SYCP2: variants seen among roughly 807,000 people sequenced by gnomAD.
SYCP2 encodes the protein synaptonemal complex protein 2, also known as synaptonemal complex lateral element protein.
SYCP2 carries 55 observed loss-of-function variants against 211.3 expected under a neutral mutation model. The observed-to-expected ratio is 0.26, with a 90% confidence interval of 0.21 to 0.33. The LOEUF is 0.33. SYCP2 is among the 10% of genes least tolerant of loss of function. SYCP2 has a pLI of 1.00. For missense variants in SYCP2, 1,731 were observed against 1,752.0 expected (o/e 0.99, Z 0.21); for synonymous variants, 570 against 555.2 (o/e 1.03, Z -0.37).
At chr20:59,901,410 T>G (rs908782338) in intron 16 of SYCP2, among the ~76,000 whole-genome samples, 2 of 152,094 alleles carry the variant, frequency 1.3e-5, no homozygotes, top group African/African-American at 4.8e-5. Flanking sequence ...TCATTTTACT[T>G]TTTAAACACC....
At chr20:59,929,949 A>C (rs1330844269) in intron 2 of SYCP2, among the ~76,000 whole-genome samples, 1 of 152,172 alleles carries the variant, frequency 6.6e-6, no homozygotes, top group Admixed American at 6.5e-5. Flanking sequence ...CCTAAGGTTC[A>C]ACATACACTC....
At chr20:59,919,673 A>G in intron 5 of SYCP2, 76 bp from the exon 6 acceptor site, 1 of 858,986 alleles carries the variant, frequency 1.2e-6, no homozygotes, top group South Asian at 1.8e-5. Flanking sequence ...TTGCATAAAC[A>G]GTAAACCTAG....
At chr20:59,907,220 G>A in intron 15 of SYCP2, 144 bp downstream of exon 15, 4 of 618,806 alleles carry the variant, frequency 6.5e-6, no homozygotes, top group Non-Finnish European at 1.1e-5. Flanking sequence ...ATGGGATCAA[G>A]GTGTTTGATG....
chr20:59,879,480 T>C (rs1001423712), intron 31 of SYCP2, among the ~76,000 whole-genome samples: 5 of 151,942 alleles, frequency 3.3e-5, no homozygotes, highest in African/African-American at 1.2e-4. Flanking sequence ...TAAATATACA[T>C]TTAGTTGAAA....
At chr20:59,873,257 A>C (rs2059488663) in intron 35 of SYCP2, among the ~76,000 whole-genome samples, 1 of 152,164 alleles carries the variant, frequency 6.6e-6, no homozygotes, top group Non-Finnish European at 1.5e-5. Context: ...TCTTTGGCCT[A>C]TCTGAATTGT....
In SYCP2 at chr20:59,895,427, G is replaced by T; in HGVS notation, c.1665+10C>A. On this transcript the variant is annotated intron_variant, in intron 20 of 44. Transcript: ENST00000357552. ...AAAATATTTTTAAAATACTTTCAAGGTAAAGTTACTTTGTCTATATTATCT... is the reference window on the plus strand; with the variant it reads ...AAAATATTTTTAAAATACTTTCAAGTTAAAGTTACTTTGTCTATATTATCT... 6.3e-7 allele frequency: 1 copy of T among 1,575,100 alleles called. No individual in the cohort carries two copies. The highest frequency in any genetic ancestry group is 8.6e-7 in the Non-Finnish European group (1 of 1,162,740).
At chr20:59,895,155 C>T (rs6071015) in intron 20 of SYCP2, among the ~76,000 whole-genome samples, 3,033 of 152,168 alleles carry the variant, frequency 0.02, 42 homozygotes, top group Middle Eastern at 0.041. Flanking sequence ...TAGTAGTCAC[C>T]AATTTGTATA....
At chr20:59,919,123 T>G in intron 7 of SYCP2, 35 bp downstream of exon 7, 1 of 1,155,924 alleles carries the variant, frequency 8.7e-7, no homozygotes, top group Non-Finnish European at 1.3e-6. Context: ...ACAGTAAAAT[T>G]TATTGTTCCA....
At chr20:59,867,014 C>CAAAAAAAAAAAAAAA (rs779891839) in intron 39 of SYCP2, among the ~76,000 whole-genome samples, 5 of 60,422 alleles carry the variant, frequency 8.3e-5, no homozygotes, top group Middle Eastern at 0.019. Flanking sequence ...GGCCTTGGGC[C>CAAAAAAAAAAAAAAA]AAAAAAAAAA....
chr20:59,910,588 A>C (rs968780143), intron 14 of SYCP2, among the ~76,000 whole-genome samples: 2 of 150,912 alleles, frequency 1.3e-5, no homozygotes, highest in African/African-American at 4.9e-5. Flanking sequence ...ACCATGTTTA[A>C]CTGCTTATTT....
chr20:59,880,585 A>C (rs190829252), intron 30 of SYCP2, 114 bp from the exon 31 acceptor site: 48 of 591,752 alleles, frequency 8.1e-5, no homozygotes, highest in African/African-American at 7.3e-4. Context: ...CAAAACAGGA[A>C]AACTAACTTG....
rs1217305340 is a variant in SYCP2 at position 59,892,439 on chromosome 20, A to G, written c.1928-13T>C. ...TTTATAACAATATCTATTGGGGAAA[A>G]TGAGAAATTAATTCTTTTTAAATTA... On this transcript the variant is annotated splice_polypyrimidine_tract_variant and intron_variant, in intron 23 of 44. Coordinates refer to ENST00000357552, the MANE Select transcript of SYCP2 (RefSeq NM_014258.4). The G allele has an allele frequency of 6.8e-7, 1 of 1,468,490 alleles. No homozygotes were observed. Among genetic ancestry groups the G allele is most frequent in the Non-Finnish European group, 9.2e-7 (1 of 1,092,866 alleles). The allele number at this position is 1,468,490 out of a possible 1,614,324, so 91.0% of individuals were successfully genotyped here. A position where few individuals can be genotyped will look rare whatever the true frequency, so the allele number is the denominator to read the frequency against.
At position 59,913,983 on chromosome 20, in the gene SYCP2, G is replaced by C. The variant is rs146677946; in HGVS notation, c.822C>G (p.Asp274Glu). 135 of 1,598,106 alleles carry C rather than the reference G, an allele frequency of 8.4e-5. No individual in the cohort carries two copies. The African/African-American group carries it at 1.7e-3, about 20-fold the overall frequency. The change falls in exon 12 of 45, where the codon GAC (aspartate) becomes GAG (glutamate). Residue 274 changes from aspartate (D) to glutamate (E), a missense_variant. Asp to Glu is a conservative substitution (Grantham distance 45). Transcript: ENST00000357552. ...FLNLVNGMLG[D>E]KRRVFTFPCL... ...TCTTGCATTAAGTTTACCTTCTTTT[G>C]TCTCCAAGCATGCCATTTACAAGGT... is the stretch of plus-strand genomic sequence containing the variant.
intron 10 of SYCP2, among the ~76,000 whole-genome samples, 154 bp downstream of exon 10, chr20:59,915,006 CAGACA>C (rs1417184268): frequency 2.0e-5 from 3 of 151,178 alleles, no homozygotes; most frequent in Non-Finnish European, 4.4e-5. Flanking sequence ...ATTTTTGTCC[CAGACA>C]AATTTCATGT....
chr20:59,879,818 AATAAATATATATATATATATATATATAT>A (rs1442561089), intron 31 of SYCP2, among the ~76,000 whole-genome samples: 2,628 of 125,652 alleles, frequency 0.021, 109 homozygotes, highest in African/African-American at 0.07. Context: ...AGTAAATATA[AATAAATATATATATATATATATATATAT>A]ATATATATAT....
At chr20:59,872,106 A>G (rs2059463126) in intron 35 of SYCP2, among the ~76,000 whole-genome samples, 1 of 152,028 alleles carries the variant, frequency 6.6e-6, no homozygotes, top group Non-Finnish European at 1.5e-5. Flanking sequence ...TACTTTAAAC[A>G]GCATAGTTCT....
At chr20:59,885,897 G>C in intron 26 of SYCP2, 31 bp downstream of exon 26, 2 of 1,549,632 alleles carry the variant, frequency 1.3e-6, no homozygotes, top group Non-Finnish European at 1.8e-6. Context: ...TTTGACTATA[G>C]ATTTGGTGAA....
intron 26 of SYCP2, among the ~76,000 whole-genome samples, chr20:59,884,543 TTCA>T (rs1420674277): frequency 2.0e-5 from 3 of 152,210 alleles, no homozygotes; most frequent in Middle Eastern, 3.4e-3. Context: ...TATGTTGTGA[TTCA>T]TCTTCAATTT....
At chr20:59,877,774 A>T (rs904639263) in intron 32 of SYCP2, among the ~76,000 whole-genome samples, 3 of 152,184 alleles carry the variant, frequency 2.0e-5, no homozygotes, top group African/African-American at 7.2e-5. Context: ...GAAGCCTGAT[A>T]TATACTATCT....
Sources: gnomAD v4.1 joint callset for allele counts (sites outside exome capture counted in the v4.1 genomes callset) on GRCh38, gnomAD v4.1.1 for gene constraint, MANE v1.5 for transcripts, NCBI Gene and HGNC (gene_info 2026-07-23, HGNC 2026-07-21) for gene names.